DMBT1: variants seen among roughly 807,000 people sequenced by gnomAD.
DMBT1 encodes the protein scavenger receptor cysteine-rich domain-containing protein DMBT1.
In DMBT1, 198 loss-of-function variants were observed where a neutral mutation model predicts 252.9. The ratio of observed to expected loss-of-function variants is 0.78; its 90% CI spans 0.70 to 0.88. The LOEUF is 0.88. Among genes scored for constraint, DMBT1 ranks in the 40% least tolerant of loss-of-function variants. DMBT1 has a pLI of 0.00. For missense variants in DMBT1, 2,432 were observed against 2,404.7 expected, an observed-to-expected ratio of 1.01 and a Z score of -0.24; for synonymous variants, 990 against 942.7, an observed-to-expected ratio of 1.05 and a Z score of -0.92.
At chr10:122,566,101 C>A (rs988469959) in intron 2 of DMBT1, 105 bp downstream of exon 2, 3 of 1,266,986 alleles carry the variant, frequency 2.4e-6, no homozygotes, top group African/African-American at 1.5e-5. Flanking sequence ...AGAGCAAACG[C>A]CTGCCTTGTC....
chr10:122,643,141 T>C lies in DMBT1; in HGVS notation c.7372T>C (p.Tyr2458His). ...IRSGCVRDDT[Y>H]GPYSSPSLRI... ...TTCCAGATGCGTGAGGGATGACACCTACGGACCCTACTCCTCGCCATCTCT... is the reference window on the plus strand; with the variant it reads ...TTCCAGATGCGTGAGGGATGACACCCACGGACCCTACTCCTCGCCATCTCT... The change falls in exon 56 of 56, where the codon TAC becomes CAC. Residue 2458 changes from tyrosine (Y) to histidine (H), a missense_variant. By Grantham distance (83) the Tyr-to-His change is moderately conservative (BLOSUM62 2). Around this residue, in one of 3 missense-constraint regions of DMBT1, gnomAD observed 1,162 missense variants for 1,169.0 expected, o/e 0.99. Coordinates refer to ENST00000338354, the MANE Select transcript of DMBT1 (RefSeq NM_001377530.1). 1 of 1,613,910 alleles carries C rather than the reference T, an allele frequency of 6.2e-7. No homozygotes were observed. The highest frequency in any genetic ancestry group is 8.5e-7 in the Non-Finnish European group (1 of 1,179,846).
chr10:122,627,925 A>G (rs1036707504), intron 46 of DMBT1, among the ~76,000 whole-genome samples: 1 of 152,276 alleles, frequency 6.6e-6, no homozygotes, highest in Non-Finnish European at 1.5e-5. Flanking sequence ...GATAGCAGAG[A>G]AGGCATTGGA....
At chr10:122,635,651 A>G (rs1395041270) in intron 52 of DMBT1, among the ~76,000 whole-genome samples, 2 of 152,112 alleles carry the variant, frequency 1.3e-5, no homozygotes, top group African/African-American at 4.8e-5. Context: ...CCTTGGTTCA[A>G]GTGATTTTCC....
At position 122,598,111 on chromosome 10, in the gene DMBT1, C is replaced by G. The variant is rs3980983; in HGVS notation, c.2956+99C>G. On this transcript the variant is annotated intron_variant, in intron 25 of 55. Transcript: ENST00000338354. The stretch of plus-strand genomic sequence containing the variant: ...GATGAGGGTCAAGGTGGGCCCCTCT[C>G]TTTTTCATGTCCCTGTGGGTTGCAT... 2,579 of 1,552,356 alleles carry G rather than the reference C, an allele frequency of 1.7e-3. 20 individuals carry two copies. The highest frequency in any genetic ancestry group is 0.011 in the South Asian group (938 of 89,102).
intron 7 of DMBT1, among the ~76,000 whole-genome samples, 153 bp from the exon 8 acceptor site, chr10:122,577,658 C>T (rs1200091963): frequency 2.6e-5 from 4 of 152,150 alleles, no homozygotes; most frequent in Admixed American, 2.6e-4. Context: ...CCCTGAGGGA[C>T]CGAGGGCTTC....
Position 122,576,583 on chromosome 10 carries a change from G to C in DMBT1, c.468G>C (p.Trp156Cys), listed in dbSNP as rs777630817. 1.9e-6 allele frequency: 3 copies of C among 1,613,812 alleles called. No individual in the cohort carries two copies. Among genetic ancestry groups the C allele is most frequent in the Non-Finnish European group, 2.5e-6 (3 of 1,179,842 alleles). The change falls in exon 7 of 56, where the codon TGG becomes TGC. Residue 156 changes from tryptophan to cysteine, a missense_variant. Transcript: ENST00000338354. Reference protein sequence around the residue: ...GWAMSAPGNAWFGQGSGPIAL... With the variant: ...GWAMSAPGNACFGQGSGPIAL... Reference sequence around the variant, plus strand: ...CCATGTCAGCTCCAGGAAATGCCTGGTTTGGCCAGGGCTCAGGACCCATTG... The same window carrying C: ...CCATGTCAGCTCCAGGAAATGCCTGCTTTGGCCAGGGCTCAGGACCCATTG...
chr10:122,624,692 T>C (rs1420899289), intron 44 of DMBT1, among the ~76,000 whole-genome samples: 1 of 152,190 alleles, frequency 6.6e-6, no homozygotes, highest in Non-Finnish European at 1.5e-5. Flanking sequence ...GGCCGTGGCA[T>C]TCCCAGGAAA....
At position 122,570,914 on chromosome 10, in the gene DMBT1, C is replaced by G; in HGVS notation, c.164C>G (p.Thr55Ser). Reference protein sequence around the residue: ...AEGSPFPSESTLESTVAEGSP... With the variant: ...AEGSPFPSESSLESTVAEGSP... ...GGTTCTCCATTTCCCTCGGAGTCGA[C>G]CCTGGAGTCAACTGTAGCAGAAGGT... The change falls in exon 4 of 56, where the codon ACC becomes AGC. Residue 55 changes from threonine (T) to serine (S), a missense_variant. Physicochemically the swap from Thr to Ser is moderately conservative, Grantham distance 58. This residue lies in a region of DMBT1 where 1,264 missense variants were observed against 1,082.2 expected (regional missense o/e 1.17). Transcript: ENST00000338354. 6.2e-7 allele frequency: 1 copy of G among 1,613,362 alleles called. No individual in the cohort carries two copies. The highest frequency in any genetic ancestry group is 1.1e-5 in the South Asian group (1 of 91,062).
At chr10:122,632,455 C>T (rs528124179) in intron 50 of DMBT1, among the ~76,000 whole-genome samples, 14 of 147,386 alleles carry the variant, frequency 9.5e-5, no homozygotes, top group African/African-American at 2.5e-4. Flanking sequence ...TGCTTGGTGC[C>T]CTCTCCCCAT....
At chr10:122,634,394 TTC>T (rs1197535944) in intron 52 of DMBT1, among the ~76,000 whole-genome samples, 4 of 138,636 alleles carry the variant, frequency 2.9e-5, no homozygotes, top group African/African-American at 1.1e-4. Flanking sequence ...CTTTCTTTCT[TTC>T]TTTCTTTTCT....
intron 54 of DMBT1, among the ~76,000 whole-genome samples, chr10:122,639,656 C>G (rs778990168): frequency 2.5e-4 from 38 of 152,300 alleles, no homozygotes; most frequent in Admixed American, 7.8e-4. Flanking sequence ...CAGGCTTGGG[C>G]TCAGAGGCCT....
rs779781646 is a variant in DMBT1, at chr10:122,570,906, G to A, written c.156G>A (p.Ser52=). 32 of 1,613,264 alleles carry A rather than the reference G, an allele frequency of 2.0e-5. No individual in the cohort carries two copies. The highest frequency in any genetic ancestry group is 1.4e-4 in the South Asian group (13 of 91,070). ...ACCCTGCAGGTTCTCCATTTCCCTCGGAGTCGACCCTGGAGTCAACTGTAG... is the reference window on the plus strand; with the variant it reads ...ACCCTGCAGGTTCTCCATTTCCCTCAGAGTCGACCCTGGAGTCAACTGTAG... ...PTVAEGSPFP[S]ESTLESTVAE... The change falls in exon 4 of 56, where the codon TCG becomes TCA. Residue 52 remains serine (S), a synonymous_variant. Coordinates refer to ENST00000338354, the MANE Select transcript of DMBT1 (RefSeq NM_001377530.1).
At chr10:122,625,360 T>G in intron 45 of DMBT1, 57 bp downstream of exon 45, 1 of 1,540,962 alleles carries the variant, frequency 6.5e-7, no homozygotes, top group Non-Finnish European at 8.9e-7. Flanking sequence ...CACCCTCTCT[T>G]GTTTCCAGAA....
At chr10:122,625,841 G>C in intron 45 of DMBT1, 92 bp from the exon 46 acceptor site, 7 of 1,089,866 alleles carry the variant, frequency 6.4e-6, no homozygotes, top group Non-Finnish European at 8.5e-6. Flanking sequence ...CCTGTACTAA[G>C]GAAAAGGATT....
Position 122,643,319 on chromosome 10 carries a change from CCTA to C in DMBT1, c.7552_7554del (p.Tyr2518del). On this transcript the variant is annotated inframe_deletion, in exon 56 of 56. Transcript: ENST00000338354. ...TTGAGGTCGAAGAGGGATGTGGGCT[CCTA>C]CCAGGAAAAGGTGGACGTCGTCCTG... 6.2e-7 allele frequency: 1 copy of C among 1,613,968 alleles called. No individual in the cohort carries two copies. The highest frequency in any genetic ancestry group is 8.5e-7 in the Non-Finnish European group (1 of 1,179,880).
At chr10:122,597,750 C>T (rs978529745) in intron 24 of DMBT1, among the ~76,000 whole-genome samples, 2 of 152,196 alleles carry the variant, frequency 1.3e-5, no homozygotes, top group Non-Finnish European at 2.9e-5. Context: ...GAGAAGAGGA[C>T]ATCCCACACT....
chr10:122,643,318 T>G lies in DMBT1; in HGVS notation c.7549T>G (p.Ser2517Ala), dbSNP rs1054873397. ...GTTGAGGTCGAAGAGGGATGTGGGC[T>G]CCTACCAGGAAAAGGTGGACGTCGT... ...CVLRSKRDVG[S>A]YQEKVDVVLG... Residue 2517 changes from serine to alanine, a missense_variant, in exon 56 of 56, where the codon TCC (serine) becomes GCC (alanine). Physicochemically the swap from Ser to Ala is moderately conservative, Grantham distance 99. Coordinates refer to ENST00000338354, the MANE Select transcript of DMBT1 (RefSeq NM_001377530.1). The G allele has an allele frequency of 1.1e-5, 17 of 1,613,790 alleles. No individual in the cohort carries two copies. The highest frequency in any genetic ancestry group is 1.4e-5 in the Non-Finnish European group (16 of 1,179,882).
chr10:122,572,435 G>A (rs2097673159), intron 5 of DMBT1, 74 bp downstream of exon 5: 6 of 1,580,224 alleles, frequency 3.8e-6, no homozygotes, highest in Non-Finnish European at 5.2e-6. Flanking sequence ...TGACCCAGAT[G>A]AGGTGTAGAG....
Position 122,577,828 on chromosome 10 carries a change from A to G in DMBT1, c.625A>G (p.Thr209Ala). Residue 209 changes from threonine to alanine, a missense_variant, in exon 8 of 56, where the codon ACA becomes GCA. Thr to Ala is a moderately conservative substitution (Grantham distance 58). Transcript: ENST00000338354. ...VICSAAQPQS[T>A]LRPESWPVRI... ...TCTCACAGCTGCCCAGCCTCAGTCA[A>G]CACTCAGGCCAGGTGAGTCCCCAGA... 6.2e-7 allele frequency: 1 copy of G among 1,613,690 alleles called. No homozygotes were observed. The highest frequency in any genetic ancestry group is 8.5e-7 in the Non-Finnish European group (1 of 1,179,742).
Sources: gnomAD v4.1 joint callset for allele counts (sites outside exome capture counted in the v4.1 genomes callset) on GRCh38, gnomAD v4.1.1 for gene constraint, gnomAD v4.1.1 regional missense constraint, MANE v1.5 for transcripts, NCBI Gene and HGNC (gene_info 2026-07-23, HGNC 2026-07-21) for gene names.